Variants in RERE observed in about 807,000 individuals in gnomAD.
RERE encodes arginine-glutamic acid dipeptide repeats protein.
In RERE, 40 loss-of-function variants were observed where a neutral mutation model predicts 146.1. The observed-to-expected ratio is 0.27, with a 90% CI of 0.21 to 0.36. The LOEUF is 0.36. Among genes scored for constraint, RERE ranks in the 10% least tolerant of loss-of-function variants. The probability of loss-of-function intolerance (pLI) is 1.00; values close to 1 mark genes in which losing one functional copy is unlikely to be tolerated. For missense variants in RERE, 1,933 were observed against 2,138.7 expected (o/e 0.90, Z 1.90); for synonymous variants, 1,003 against 866.0 (o/e 1.16, Z -2.78).
intron 10 of RERE, among the ~76,000 whole-genome samples, chr1:8,488,114 T>C (rs1309243236): frequency 6.6e-6 from 1 of 151,294 alleles, no homozygotes; most frequent in African/African-American, 2.4e-5. Context: ...CAAAGACAAC[T>C]TCTTTAAAAA....
At chr1:8,641,676 T>C (rs1047945346) in intron 2 of RERE, among the ~76,000 whole-genome samples, 2 of 152,192 alleles carry the variant, frequency 1.3e-5, no homozygotes, top group African/African-American at 2.4e-5. Flanking sequence ...AAGAAGGTCT[T>C]CTGAAGGCTG....
chr1:8,508,679 G>T lies in RERE; in HGVS notation c.831-4C>A. 6.2e-7 allele frequency: 1 copy of T among 1,611,354 alleles called. No individual in the cohort carries two copies. The highest frequency in any genetic ancestry group is 8.5e-7 in the Non-Finnish European group (1 of 1,177,780). On this transcript the variant is annotated splice_polypyrimidine_tract_variant and splice_region_variant and intron_variant, in intron 7 of 22. Transcript: ENST00000400908. ...CCCCTGGGTACTGTTCAGCCTCCTG[G>T]AACAGAAATAGAGCAGATTAAGTTA...
intron 7 of RERE, among the ~76,000 whole-genome samples, chr1:8,536,122 T>A (rs1645722054): frequency 1.5e-5 from 2 of 131,406 alleles, no homozygotes; most frequent in South Asian, 4.8e-4. Flanking sequence ...AAAAAAAAAA[T>A]CAGATATTTT....
At chr1:8,644,629 C>T (rs1012968213) in intron 2 of RERE, among the ~76,000 whole-genome samples, 2 of 152,140 alleles carry the variant, frequency 1.3e-5, no homozygotes, top group Admixed American at 6.5e-5. Flanking sequence ...TCACCATTAG[C>T]CTATGTATTC....
intron 12 of RERE, among the ~76,000 whole-genome samples, chr1:8,418,313 G>A (rs896936794): frequency 2.0e-5 from 3 of 152,172 alleles, no homozygotes; most frequent in Non-Finnish European, 4.4e-5. Context: ...ATCTTCACTG[G>A]GCTAGGTGCT....
chr1:8,428,899 C>T (rs142373351), intron 11 of RERE, among the ~76,000 whole-genome samples: 3 of 152,284 alleles, frequency 2.0e-5, no homozygotes, highest in African/African-American at 7.2e-5. Context: ...CATAGTCCCC[C>T]AAGCCTTGTG....
rs528501539 is a variant in RERE, at chr1:8,357,722, G to T, written c.4339+474C>A. On this transcript the variant is annotated intron_variant, in intron 20 of 22. Transcript: ENST00000400908. ...GGACAGGACTGAGCAGCCCTGGCCAGGTGGGTCAGCTCGGAAAACTCAGCC... is the reference window on the plus strand; with the variant it reads ...GGACAGGACTGAGCAGCCCTGGCCATGTGGGTCAGCTCGGAAAACTCAGCC... 2.0e-5 allele frequency among the ~76,000 whole-genome samples: 3 copies of T among 152,352 alleles called. No individual in the cohort carries two copies. In the East Asian group the frequency reaches 5.8e-4, roughly 29 times the overall value.
At chr1:8,718,220 A>G (rs1188103059) in intron 1 of RERE, among the ~76,000 whole-genome samples, 1 of 152,250 alleles carries the variant, frequency 6.6e-6, no homozygotes, top group Non-Finnish European at 1.5e-5. Context: ...CTTAGAAAAC[A>G]TTAGGACTTT....
At chr1:8,464,981 C>A (rs1349913982) in intron 11 of RERE, 1 of 152,202 alleles carries the variant, frequency 6.6e-6, no homozygotes, top group East Asian at 1.9e-4. Flanking sequence ...AATTTCTAAA[C>A]ATTCTTTCTT....
At chr1:8,538,595 G>A (rs1645757660) in intron 7 of RERE, among the ~76,000 whole-genome samples, 1 of 152,212 alleles carries the variant, frequency 6.6e-6, no homozygotes, top group Admixed American at 6.5e-5. Flanking sequence ...TAGCTCCACT[G>A]CTGCAAATGT....
chr1:8,756,004 C>T (rs1640632840), intron 1 of RERE, among the ~76,000 whole-genome samples: 1 of 152,058 alleles, frequency 6.6e-6, no homozygotes, highest in Non-Finnish European at 1.5e-5. Flanking sequence ...AATTAAAGAA[C>T]CAAATTATCA....
intron 10 of RERE, among the ~76,000 whole-genome samples, chr1:8,467,944 C>T (rs1644625174): frequency 6.6e-6 from 1 of 152,142 alleles, no homozygotes; most frequent in Non-Finnish European, 1.5e-5. Context: ...GCACCCGGCC[C>T]AAACATCCAT....
At chr1:8,775,064 G>A (rs1165202237) in intron 1 of RERE, among the ~76,000 whole-genome samples, 2 of 143,684 alleles carry the variant, frequency 1.4e-5, no homozygotes, top group Non-Finnish European at 3.0e-5. Context: ...GGGTTCAAGC[G>A]ATTCTCCTGC....
At chr1:8,541,148 TAC>T (rs1047425335) in intron 7 of RERE, 64 bp downstream of exon 7, 725 of 795,964 alleles carry the variant, frequency 9.1e-4, no homozygotes, top group South Asian at 1.3e-3. Context: ...CACACACACA[TAC>T]ACACACACAC....
chr1:8,496,710 A>G lies in RERE; in HGVS notation c.1004+695T>C, dbSNP rs565284339. Among the ~76,000 whole-genome samples, 23 of 152,160 alleles carry G rather than the reference A, an allele frequency of 1.5e-4. 1 individual carries two copies. The highest frequency in any genetic ancestry group is 5.3e-4 in the African/African-American group (22 of 41,514). On this transcript the variant is annotated intron_variant, in intron 9 of 22. Transcript: ENST00000400908. ...TGTGCCGTGTGAGGAGCGAATTCAC[A>G]CTTCTCTCTGCATCGAAGGCATTTG...
Position 8,360,173 on chromosome 1 carries a change from T to C in RERE, c.3334A>G (p.Arg1112Gly). ...EEPESPPPPP[R>G]SPSPEPTVVD... is the part of the protein sequence containing the mutation. ...ACAGTGGGCTCCGGGGACGGGCTCC[T>C]TGGTGGGGGAGGGGGGCTCTCAGGC... Residue 1112 changes from arginine (R) to glycine (G), a missense_variant, in exon 18 of 23, where the codon AGG becomes GGG. By Grantham distance (125) the Arg-to-Gly change is moderately radical. Transcript: ENST00000400908. The C allele has an allele frequency of 6.3e-7, 1 of 1,599,640 alleles. No individual in the cohort carries two copies. The highest frequency in any genetic ancestry group is 1.1e-5 in the South Asian group (1 of 89,174).
chr1:8,522,746 G>A (rs1645517892), intron 7 of RERE, among the ~76,000 whole-genome samples: 1 of 152,030 alleles, frequency 6.6e-6, no homozygotes, highest in Non-Finnish European at 1.5e-5. Flanking sequence ...GGTGGCAGAT[G>A]CTTGCAATCC....
intron 1 of RERE, among the ~76,000 whole-genome samples, chr1:8,765,974 G>A (rs1045410966): frequency 2.6e-5 from 4 of 151,772 alleles, no homozygotes; most frequent in African/African-American, 9.7e-5. Context: ...TTAGCCGAGT[G>A]TGCTGGTGCA....
At chr1:8,558,114 A>G (rs1209823737) in intron 4 of RERE, among the ~76,000 whole-genome samples, 1 of 152,246 alleles carries the variant, frequency 6.6e-6, no homozygotes, top group East Asian at 1.9e-4. Context: ...CTATGAGTCC[A>G]GAGACCTCAT....
Sources: gnomAD v4.1 joint callset for allele counts (sites outside exome capture counted in the v4.1 genomes callset) on GRCh38, gnomAD v4.1.1 for gene constraint, MANE v1.5 for transcripts, NCBI Gene and HGNC (gene_info 2026-07-23, HGNC 2026-07-21) for gene names.